Variants in ESR2 observed in about 807,000 individuals in gnomAD.
ESR2 encodes estrogen receptor 2, also known as estrogen receptor beta.
Under a neutral mutation model 49.6 loss-of-function variants are expected in ESR2, and 36 were observed. The observed-to-expected ratio is 0.73, with a 90% CI of 0.56 to 0.96. The LOEUF is 0.96. ESR2 is among the 40% of genes least tolerant of loss of function. The pLI is 0.00. For missense variants in ESR2, 714 were observed against 693.0 expected, an observed-to-expected ratio of 1.03 and a Z score of -0.34; for synonymous variants, 320 against 266.1, an observed-to-expected ratio of 1.20 and a Z score of -1.97.
intron 1 of ESR2, among the ~76,000 whole-genome samples, chr14:64,302,918 C>A (rs182884682): frequency 2.0e-5 from 3 of 152,300 alleles, no homozygotes; most frequent in South Asian, 4.1e-4. Flanking sequence ...CCTGCCTCAG[C>A]CTCCCGAGTA....
At chr14:64,317,653 A>G (rs1399811287) in intron 1 of ESR2, among the ~76,000 whole-genome samples, 1 of 152,242 alleles carries the variant, frequency 6.6e-6, no homozygotes, top group African/African-American at 2.4e-5. Context: ...ATTGGGTAGC[A>G]TAAATATCCA....
intron 7 of ESR2, among the ~76,000 whole-genome samples, chr14:64,242,452 AT>A (rs201865689): frequency 0.089 from 12,053 of 135,590 alleles, 568 homozygotes; most frequent in Non-Finnish European, 0.1. Flanking sequence ...AACAAAAAAA[AT>A]ATATATATAT....
At chr14:64,280,807 C>T (rs1427704240) in intron 2 of ESR2, among the ~76,000 whole-genome samples, 5 of 152,236 alleles carry the variant, frequency 3.3e-5, no homozygotes, top group Admixed American at 1.3e-4. Flanking sequence ...GCCAGAAGTT[C>T]GAGACCAGCT....
At chr14:64,248,844 C>A (rs1411792334) in intron 7 of ESR2, among the ~76,000 whole-genome samples, 1 of 152,066 alleles carries the variant, frequency 6.6e-6, no homozygotes, top group Non-Finnish European at 1.5e-5. Flanking sequence ...TAGTCCTCCA[C>A]ATGGAAGCCA....
rs976728464 is a variant in ESR2, at chr14:64,232,893, T to C, written c.*244A>G. 5.2e-6 allele frequency: 3 copies of C among 574,268 alleles called. No individual in the cohort carries two copies. The highest frequency in any genetic ancestry group is 6.4e-5 in the East Asian group (2 of 31,028). The allele number at this position is 574,268 out of a possible 1,614,324, so 35.6% of individuals were successfully genotyped here. A position where few individuals can be genotyped will look rare whatever the true frequency, so the allele number is the denominator to read the frequency against. ...AGTAAGAAAGACCACACTGAGATCC[T>C]ATGAGGCCATTGAGTGTGGAAACGC... On this transcript the variant is annotated 3_prime_UTR_variant, in exon 9 of 9. Transcript: ENST00000341099.
intron 7 of ESR2, among the ~76,000 whole-genome samples, chr14:64,238,750 T>C (rs556645216): frequency 2.1e-5 from 3 of 143,362 alleles, no homozygotes; most frequent in African/African-American, 5.8e-5. Flanking sequence ...GGAAGAAGTA[T>C]AGTTTAAAAA....
rs2098731068 is a variant in ESR2, at chr14:64,234,979, C to G, written c.1397G>C (p.Arg466Thr). The G allele has an allele frequency of 6.2e-7, 1 of 1,614,110 alleles. No homozygotes were observed. Among genetic ancestry groups the G allele is most frequent in the Non-Finnish European group, 8.5e-7 (1 of 1,179,968 alleles). Residue 466 changes from arginine (R) to threonine (T), a missense_variant, in exon 8 of 9, where the codon AGG becomes ACG. Coordinates refer to ENST00000341099, the MANE Select transcript of ESR2 (RefSeq NM_001437.3). ...ANLLMLLSHV[R>T]HASNKGMEHL... ...TCCTTAGGGCGCGTACCTCGCATGC[C>G]TGACGTGGGACAGGAGCATCAGGAG...
chr14:64,232,832 T>A lies in ESR2; in HGVS notation c.*305A>T, dbSNP rs949838370. 7.3e-5 allele frequency: 22 copies of A among 302,252 alleles called. No individual in the cohort carries two copies. Among genetic ancestry groups the A allele is most frequent in the Non-Finnish European group, 1.3e-4 (21 of 166,842 alleles). 18.7% of individuals were successfully genotyped at this position (302,252 alleles called of 1,614,324 possible). Reference sequence around the variant, plus strand: ...TTTCCACCATTCATTCCAAAACCTTTAAGATGTTTCACAAAGGGGAGGAAG... The same window carrying A: ...TTTCCACCATTCATTCCAAAACCTTAAAGATGTTTCACAAAGGGGAGGAAG... On this transcript the variant is annotated 3_prime_UTR_variant, in exon 9 of 9. Coordinates refer to ENST00000341099, the MANE Select transcript of ESR2 (RefSeq NM_001437.3).
At chr14:64,267,720 CAA>C (rs550076289) in intron 4 of ESR2, among the ~76,000 whole-genome samples, 4 of 133,728 alleles carry the variant, frequency 3.0e-5, no homozygotes, top group Admixed American at 7.6e-5. Flanking sequence ...ACTAAAAATA[CAA>C]AAAAAAAAAA....
intron 1 of ESR2, among the ~76,000 whole-genome samples, chr14:64,314,368 G>A (rs1395413648): frequency 6.7e-6 from 1 of 149,480 alleles, no homozygotes; most frequent in African/African-American, 2.5e-5. Context: ...CCACCAAGAG[G>A]GAAATTTATA....
intron 6 of ESR2, among the ~76,000 whole-genome samples, chr14:64,252,217 G>C (rs1381078260): frequency 6.6e-6 from 1 of 151,636 alleles, no homozygotes; most frequent in Non-Finnish European, 1.5e-5. Context: ...GGGGGCTGAA[G>C]CAAAAGATCA....
At chr14:64,322,059 T>A (rs925269216) in intron 1 of ESR2, among the ~76,000 whole-genome samples, 2 of 151,464 alleles carry the variant, frequency 1.3e-5, no homozygotes, top group African/African-American at 2.4e-5. Flanking sequence ...AAATAAAAAT[T>A]ATTATTATTA....
intron 1 of ESR2, among the ~76,000 whole-genome samples, chr14:64,311,798 A>G (rs918023898): frequency 2.6e-5 from 4 of 152,040 alleles, no homozygotes; most frequent in Non-Finnish European, 5.9e-5. Flanking sequence ...AGGTGACAGC[A>G]ATACCCCATC....
At chr14:64,333,056 T>C (rs1449507468) in intron 1 of ESR2, among the ~76,000 whole-genome samples, 1 of 151,582 alleles carries the variant, frequency 6.6e-6, no homozygotes, top group Non-Finnish European at 1.5e-5. Context: ...TTTTGTATTT[T>C]TTAGTAGAGA....
chr14:64,262,941 A>G (rs1367494984), intron 4 of ESR2, among the ~76,000 whole-genome samples: 1 of 152,204 alleles, frequency 6.6e-6, no homozygotes, highest in Non-Finnish European at 1.5e-5. Flanking sequence ...AACAGAATGT[A>G]TGACTTTTAA....
upstream of ESR2, among the ~76,000 whole-genome samples, chr14:64,297,109 TAAGG>T (rs1170842275): frequency 6.6e-6 from 1 of 152,110 alleles, no homozygotes; most frequent in Non-Finnish European, 1.5e-5. Flanking sequence ...CTGACCTGCC[TAAGG>T]AAGCACCCAC....
intron 5 of ESR2, chr14:64,260,153 G>A (rs201033689): frequency 9.5e-6 from 6 of 633,508 alleles, no homozygotes; most frequent in South Asian, 8.6e-5. Flanking sequence ...CATGGGAAAA[G>A]AAGGCAGTCA....
intron 6 of ESR2, among the ~76,000 whole-genome samples, chr14:64,250,055 C>T (rs542384962): frequency 1.3e-5 from 2 of 152,158 alleles, no homozygotes; most frequent in African/African-American, 2.4e-5. Flanking sequence ...AGATATGACA[C>T]GTATTTCAAA....
intron 6 of ESR2, among the ~76,000 whole-genome samples, chr14:64,255,567 C>T (rs2076082111): frequency 6.6e-6 from 1 of 152,200 alleles, no homozygotes; most frequent in Admixed American, 6.5e-5. Context: ...TTTGGCAACC[C>T]CCCAAGTCCA....
Sources: gnomAD v4.1 joint callset for allele counts (sites outside exome capture counted in the v4.1 genomes callset) on GRCh38, gnomAD v4.1.1 for gene constraint, MANE v1.5 for transcripts, NCBI Gene and HGNC (gene_info 2026-07-23, HGNC 2026-07-21) for gene names.